EPB41L4B: variants seen among roughly 807,000 people sequenced by gnomAD.
The protein encoded by EPB41L4B is band 4.1-like protein 4B.
In EPB41L4B, 30 loss-of-function variants were observed where a neutral mutation model predicts 112.5. The observed-to-expected ratio is 0.27, with a 90% confidence interval of 0.20 to 0.36. The LOEUF (loss-of-function observed/expected upper bound fraction) is 0.36, where lower values mean the gene tolerates loss of function less well. Ranked by LOEUF, EPB41L4B falls within the 10% of genes least tolerant of loss-of-function variation. The pLI, the probability that EPB41L4B is intolerant of heterozygous loss-of-function variation, is 1.00. For missense variants in EPB41L4B, 1,024 were observed against 1,133.3 expected, an observed-to-expected ratio of 0.90 and a Z score of 1.38; for synonymous variants, 408 against 439.7, an observed-to-expected ratio of 0.93 and a Z score of 0.90.
chr9:109,312,360 T>C (rs915374947), intron 1 of EPB41L4B, among the ~76,000 whole-genome samples: 3 of 152,136 alleles, frequency 2.0e-5, no homozygotes, highest in Non-Finnish European at 4.4e-5. Flanking sequence ...ATTATGGCCA[T>C]CAAACCATTA....
At chr9:109,268,032 C>CTA (rs1379288422) in intron 3 of EPB41L4B, among the ~76,000 whole-genome samples, 1 of 152,206 alleles carries the variant, frequency 6.6e-6, no homozygotes, top group African/African-American at 2.4e-5. Flanking sequence ...CTGTAGCAGA[C>CTA]TATCAAAGAG....
intron 23 of EPB41L4B, among the ~76,000 whole-genome samples, 170 bp from the exon 24 acceptor site, chr9:109,182,967 G>C (rs914869586): frequency 2.0e-5 from 3 of 152,212 alleles, no homozygotes. Flanking sequence ...GTGTGAGCTG[G>C]TGGTTGTATC....
chr9:109,205,846 C>T (rs1424636399), intron 18 of EPB41L4B, among the ~76,000 whole-genome samples: 1 of 152,184 alleles, frequency 6.6e-6, no homozygotes, highest in African/African-American at 2.4e-5. Context: ...GAGAGGTTGA[C>T]AAACAAGCTT....
intron 1 of EPB41L4B, among the ~76,000 whole-genome samples, chr9:109,291,343 G>A (rs1434279732): frequency 3.9e-5 from 6 of 152,054 alleles, no homozygotes; most frequent in African/African-American, 1.2e-4. Context: ...CCTACTCCAC[G>A]CATGGTCTTG....
At chr9:109,183,767 G>A (rs965160892) in intron 23 of EPB41L4B, among the ~76,000 whole-genome samples, 2 of 152,204 alleles carry the variant, frequency 1.3e-5, no homozygotes, top group African/African-American at 4.8e-5. Flanking sequence ...ACTGCCCAGG[G>A]GCAGCAGGCT....
rs934105080 is a variant in EPB41L4B, at chr9:109,286,409, G to C, written c.307-6488C>G. Among the ~76,000 whole-genome samples the C allele has an allele frequency of 3.3e-5, 5 of 152,128 alleles. No homozygotes were observed. In the East Asian group the frequency reaches 7.7e-4, roughly 23 times the overall value. On this transcript the variant is annotated intron_variant, in intron 1 of 25. Coordinates refer to ENST00000374566, the MANE Select transcript of EPB41L4B (RefSeq NM_019114.5). ...ACTCATTAAAATCTTTTCAAATTCAGTATTCCATGAACAAGCACCTAGGGA... is the reference window on the plus strand; with the variant it reads ...ACTCATTAAAATCTTTTCAAATTCACTATTCCATGAACAAGCACCTAGGGA...
chr9:109,229,684 T>C (rs1833893791), intron 15 of EPB41L4B, among the ~76,000 whole-genome samples: 1 of 152,222 alleles, frequency 6.6e-6, no homozygotes, highest in Admixed American at 6.5e-5. Context: ...TCCATATTCC[T>C]AATCAGAATT....
chr9:109,256,049 C>T, intron 9 of EPB41L4B, 87 bp downstream of exon 9: 1 of 1,284,946 alleles, frequency 7.8e-7, no homozygotes, highest in Non-Finnish European at 1.1e-6. Context: ...CTGGGTGTTG[C>T]AGATACCCCT....
At chr9:109,265,595 G>A (rs909047719) in intron 4 of EPB41L4B, among the ~76,000 whole-genome samples, 8 of 151,994 alleles carry the variant, frequency 5.3e-5, no homozygotes, top group Non-Finnish European at 1.5e-5. Flanking sequence ...TCCTGGCACT[G>A]GACTGCAAAT....
chr9:109,253,258 GAC>G (rs770403430), intron 12 of EPB41L4B, among the ~76,000 whole-genome samples, 181 bp downstream of exon 12: 14 of 152,204 alleles, frequency 9.2e-5, no homozygotes, highest in Non-Finnish European at 1.5e-4. Context: ...AAACACTAAT[GAC>G]AGAGGGATGG....
intron 1 of EPB41L4B, among the ~76,000 whole-genome samples, chr9:109,288,519 G>C (rs1314376229): frequency 6.6e-6 from 1 of 151,874 alleles, no homozygotes; most frequent in Non-Finnish European, 1.5e-5. Context: ...AGGAGATCAA[G>C]ACCATCCTGG....
At chr9:109,186,904 G>T (rs7034225) in intron 22 of EPB41L4B, among the ~76,000 whole-genome samples, 5,684 of 152,270 alleles carry the variant, frequency 0.037, 319 homozygotes, top group African/African-American at 0.13. Flanking sequence ...TTGACACTGG[G>T]ACACCCTGCT....
intron 16 of EPB41L4B, among the ~76,000 whole-genome samples, chr9:109,216,663 G>A (rs201680893): frequency 1.2e-3 from 146 of 117,584 alleles, no homozygotes; most frequent in African/African-American, 1.7e-3. Context: ...AAAAAAAAAA[G>A]AAAAGAAAAA....
At chr9:109,320,026 G>GGAGGGGAGGTGC in intron 1 of EPB41L4B, 115 bp downstream of exon 1, 1 of 821,506 alleles carries the variant, frequency 1.2e-6, no homozygotes, top group East Asian at 3.7e-5. Flanking sequence ...AGAGGATGGG[G>GGAGGGGAGGTGC]GAGGGGATCC....
chr9:109,229,307 C>T (rs142122640), intron 15 of EPB41L4B, among the ~76,000 whole-genome samples: 1 of 152,308 alleles, frequency 6.6e-6, no homozygotes, highest in African/African-American at 2.4e-5. Context: ...GCCATGCAGG[C>T]CAAGAAATCA....
At chr9:109,201,429 G>T (rs143829594) in intron 19 of EPB41L4B, among the ~76,000 whole-genome samples, 1 of 138,810 alleles carries the variant, frequency 7.2e-6, no homozygotes, top group Non-Finnish European at 1.5e-5. Flanking sequence ...CAGCCTGGGT[G>T]CTGGAGTGAG....
Position 109,240,285 on chromosome 9 carries a change from G to A in EPB41L4B, c.1409+3333C>T, listed in dbSNP as rs529037199. The A allele has an allele frequency of 3.0e-6, 3 of 985,402 alleles. No homozygotes were observed. In the South Asian group the frequency reaches 1.4e-4, roughly 46 times the overall value. The allele number at this position is 985,402 out of a possible 1,614,324, so 61.0% of individuals were successfully genotyped here. On this transcript the variant is annotated intron_variant, in intron 15 of 25. Coordinates refer to ENST00000374566, the MANE Select transcript of EPB41L4B (RefSeq NM_019114.5). ...TGAGCATCAGAACGTCTGCTAAAAT[G>A]GAATACACCTGTAAACAAATGCCTT... is the stretch of plus-strand genomic sequence containing the variant.
intron 3 of EPB41L4B, among the ~76,000 whole-genome samples, chr9:109,268,153 G>A (rs1246744115): frequency 6.6e-6 from 1 of 152,190 alleles, no homozygotes; most frequent in African/African-American, 2.4e-5. Context: ...CATTGGCAGA[G>A]GCGTCTGATT....
chr9:109,251,625 C>A, intron 12 of EPB41L4B, 114 bp from the exon 13 acceptor site: 1 of 941,956 alleles, frequency 1.1e-6, no homozygotes, highest in Non-Finnish European at 1.7e-6. Context: ...TTTCCAACTC[C>A]AACCCAGGCA....
Sources: allele counts gnomAD v4.1 joint callset (sites outside exome capture counted in the v4.1 genomes callset), GRCh38; gene constraint gnomAD v4.1.1; transcripts MANE v1.5; gene names NCBI Gene and HGNC (gene_info 2026-07-23, HGNC 2026-07-21).